BICD1: variants seen among roughly 807,000 people sequenced by gnomAD.
BICD1 encodes the protein BICD cargo adaptor 1.
In BICD1, 35 loss-of-function variants were observed where a neutral mutation model predicts 92.5. That is an observed-to-expected ratio of 0.38 (90% CI 0.29 to 0.50). The LOEUF is 0.50. BICD1 is among the 20% of genes least tolerant of loss of function. The probability of loss-of-function intolerance (pLI) is 0.93; values close to 1 mark genes in which losing one functional copy is unlikely to be tolerated. For missense variants in BICD1, 950 were observed against 1,189.8 expected, an observed-to-expected ratio of 0.80 and a Z score of 2.97; for synonymous variants, 429 against 465.1, an observed-to-expected ratio of 0.92 and a Z score of 1.00.
intron 1 of BICD1, among the ~76,000 whole-genome samples, chr12:32,176,118 A>G (rs907629155): frequency 1.3e-5 from 2 of 152,170 alleles, no homozygotes; most frequent in African/African-American, 4.8e-5. Context: ...CATTTTGTGT[A>G]TCTGTTCATT....
intron 2 of BICD1, among the ~76,000 whole-genome samples, chr12:32,293,183 C>CTG (rs1191357151): frequency 1.4e-4 from 22 of 152,180 alleles, no homozygotes; most frequent in African/African-American, 4.6e-4. Context: ...GTGCATGTAT[C>CTG]TGTGTATGTG....
At chr12:32,242,587 C>A (rs1401994096) in intron 2 of BICD1, among the ~76,000 whole-genome samples, 1 of 151,926 alleles carries the variant, frequency 6.6e-6, no homozygotes, top group African/African-American at 2.4e-5. Context: ...AATATAATTT[C>A]TTACAAGTTT....
intron 3 of BICD1, among the ~76,000 whole-genome samples, chr12:32,294,602 CAG>C (rs1275499351): frequency 3.2e-4 from 36 of 112,724 alleles, no homozygotes; most frequent in Non-Finnish European, 5.3e-4. Flanking sequence ...GCCTTGGTGA[CAG>C]AGTGAGACTC....
intron 3 of BICD1, among the ~76,000 whole-genome samples, chr12:32,295,094 A>AAAAAAG (rs1565648919): frequency 3.3e-5 from 5 of 149,348 alleles, no homozygotes; most frequent in Non-Finnish European, 3.0e-5. Flanking sequence ...AAAAAAAAAA[A>AAAAAAG]AAAAAGAAAA....
intron 8 of BICD1, chr12:32,340,573 A>G (rs1938327800): frequency 1.2e-6 from 1 of 844,714 alleles, no homozygotes. Flanking sequence ...TAACATCTCA[A>G]TAAGGTTAAA....
At chr12:32,191,234 G>T (rs552219485) in intron 1 of BICD1, among the ~76,000 whole-genome samples, 1 of 152,200 alleles carries the variant, frequency 6.6e-6, no homozygotes, top group South Asian at 2.1e-4. Context: ...GGAGCAAAAA[G>T]AAGCTAAGGA....
intron 1 of BICD1, among the ~76,000 whole-genome samples, chr12:32,119,597 T>A (rs563108722): frequency 2.2e-4 from 33 of 152,290 alleles, no homozygotes; most frequent in African/African-American, 7.7e-4. Context: ...TAGTTCCGGG[T>A]GCAGTGGCTC....
intron 2 of BICD1, among the ~76,000 whole-genome samples, chr12:32,268,099 A>G (rs1007916748): frequency 2.0e-5 from 3 of 152,088 alleles, no homozygotes; most frequent in African/African-American, 7.2e-5. Context: ...CACCCAGCCT[A>G]TCCTATTTAT....
chr12:32,306,457 G>T (rs1028831614), intron 4 of BICD1, among the ~76,000 whole-genome samples: 20 of 151,874 alleles, frequency 1.3e-4, no homozygotes, highest in Non-Finnish European at 5.9e-5. Context: ...TATTAGCCAG[G>T]ATGGTCTCGA....
intron 2 of BICD1, among the ~76,000 whole-genome samples, chr12:32,261,569 G>A (rs192557670): frequency 6.0e-4 from 92 of 152,298 alleles, no homozygotes; most frequent in Admixed American, 9.8e-4. Flanking sequence ...GATATTATAG[G>A]GAAGGAAAAC....
At chr12:32,220,831 C>G (rs1387171242) in intron 2 of BICD1, among the ~76,000 whole-genome samples, 1 of 120,362 alleles carries the variant, frequency 8.3e-6, no homozygotes, top group Non-Finnish European at 1.7e-5. Flanking sequence ...ATAGCAAAGA[C>G]TTGGAACCAA....
At chr12:32,372,092 A>C (rs1939762192) in intron 9 of BICD1, among the ~76,000 whole-genome samples, 1 of 152,212 alleles carries the variant, frequency 6.6e-6, no homozygotes, top group Admixed American at 6.5e-5. Flanking sequence ...CTTTTCCCTC[A>C]AACTGAAGAG....
intron 1 of BICD1, among the ~76,000 whole-genome samples, chr12:32,138,214 G>A (rs1425525249): frequency 6.6e-6 from 1 of 152,214 alleles, no homozygotes; most frequent in Admixed American, 6.5e-5. Context: ...ATGAAGTAGA[G>A]GCTTTTATTA....
At chr12:32,326,913 C>T (rs1240242610) in intron 4 of BICD1, among the ~76,000 whole-genome samples, 2 of 152,086 alleles carry the variant, frequency 1.3e-5, no homozygotes, top group Non-Finnish European at 2.9e-5. Flanking sequence ...AAATGTAGTG[C>T]GTGTTTATTT....
At chr12:32,128,887 A>G (rs1486880105) in intron 1 of BICD1, among the ~76,000 whole-genome samples, 1 of 151,916 alleles carries the variant, frequency 6.6e-6, no homozygotes, top group Non-Finnish European at 1.5e-5. Flanking sequence ...ACCCTCCCAC[A>G]TCAGCCATAC....
rs1182796155 is a variant in BICD1, at chr12:32,337,878, T to A, written c.2570+62T>A. 6.4e-7 allele frequency: 1 copy of A among 1,552,198 alleles called. No homozygotes were observed. The highest frequency in any genetic ancestry group is 1.1e-5 in the South Asian group (1 of 89,082). On this transcript the variant is annotated intron_variant, in intron 7 of 9. Transcript: ENST00000652176. The surrounding 1 kb of genome is among the most constrained non-coding windows in gnomAD (Gnocchi z 4.7). ...GCCAGATTTTAGTTAACTGCAAAAA[T>A]AAATGTGCTCTTGTTGTGGAGGATG...
intron 1 of BICD1, among the ~76,000 whole-genome samples, chr12:32,164,453 A>G (rs138961597): frequency 1.3e-5 from 2 of 152,360 alleles, no homozygotes; most frequent in Non-Finnish European, 2.9e-5. Context: ...AAAGTTTACT[A>G]CCACGCAATC....
At chr12:32,123,164 T>A (rs541349460) in intron 1 of BICD1, among the ~76,000 whole-genome samples, 4 of 152,124 alleles carry the variant, frequency 2.6e-5, no homozygotes, top group South Asian at 2.1e-4. Flanking sequence ...TGGAAGAAGG[T>A]TATGATTTTC....
At chr12:32,233,091 G>A (rs961449938) in intron 2 of BICD1, among the ~76,000 whole-genome samples, 5 of 152,088 alleles carry the variant, frequency 3.3e-5, no homozygotes, top group Admixed American at 3.3e-4. Flanking sequence ...GGAGGCCAAG[G>A]CGGGCATATC....
Sources: gnomAD v4.1 joint callset for allele counts (sites outside exome capture counted in the v4.1 genomes callset) on GRCh38, gnomAD v4.1.1 for gene constraint, Gnocchi (gnomAD v3.1) non-coding constraint, MANE v1.5 for transcripts, NCBI Gene and HGNC (gene_info 2026-07-23, HGNC 2026-07-21) for gene names.